The following DOCK2 variants were observed in gnomAD, a reference collection of about 807,000 sequenced individuals.
The protein encoded by DOCK2 is dedicator of cytokinesis 2, also known as dedicator of cytokinesis protein 2.
DOCK2 carries 87 observed loss-of-function variants against 248.9 expected under a neutral mutation model. The observed-to-expected ratio is 0.35, with a 90% confidence interval of 0.29 to 0.42. The LOEUF is 0.42. Ranked by LOEUF, DOCK2 falls within the 10% of genes least tolerant of loss-of-function variation. The pLI, the probability that DOCK2 is intolerant of heterozygous loss-of-function variation, is 1.00. For missense variants in DOCK2, 1,747 were observed against 2,300.2 expected (o/e 0.76, Z 4.92); for synonymous variants, 805 against 821.6 (o/e 0.98, Z 0.35).
At position 169,800,944 on chromosome 5, in the gene DOCK2, C is replaced by CTTTCTTTTTTTTTTTTTTTTTTT. The variant is rs1248380098; in HGVS notation, c.2555-2111_2555-2110insCTTTTTTTTTTTTTTTTTTTTTT. Among the ~76,000 whole-genome samples the CTTTCTTTTTTTTTTTTTTTTTTT allele has an allele frequency of 2.4e-4, 13 of 53,190 alleles. 1 individual carries two copies. The highest frequency in any genetic ancestry group is 1.1e-3 in the African/African-American group (8 of 7,146). 34.9% of individuals were successfully genotyped at this position (53,190 alleles called of 152,430 possible). A position where few individuals can be genotyped will look rare whatever the true frequency, so the allele number is the denominator to read the frequency against. On this transcript the variant is annotated intron_variant, in intron 25 of 51. Transcript: ENST00000520908. The stretch of plus-strand genomic sequence containing the variant: ...TTTTTCTTTTTTCTTTTCTTTCTTT[C>CTTTCTTTTTTTTTTTTTTTTTTT]TTTTTTTTTTTTTTTTTTTTTTTTT...
intron 9 of DOCK2, among the ~76,000 whole-genome samples, chr5:169,693,264 G>C (rs1760412970): frequency 6.6e-6 from 1 of 152,140 alleles, no homozygotes; most frequent in African/African-American, 2.4e-5. Context: ...GAGCAGGGTG[G>C]TTAGGAAGAA....
At chr5:169,677,737 C>T (rs1429739387) in intron 6 of DOCK2, among the ~76,000 whole-genome samples, 2 of 152,202 alleles carry the variant, frequency 1.3e-5, no homozygotes, top group Non-Finnish European at 2.9e-5. Flanking sequence ...CTGCTGCTCG[C>T]TGCTTGCAAA....
At chr5:169,837,140 GATACCAGAGCCTATAAT>G (rs1769631583) in intron 26 of DOCK2, among the ~76,000 whole-genome samples, 1 of 150,282 alleles carries the variant, frequency 6.7e-6, no homozygotes, top group Non-Finnish European at 1.5e-5. Flanking sequence ...GTCCCTTCCA[GATACCAGAGCCTATAAT>G]TATTAAAAGA....
intron 26 of DOCK2, 103 bp downstream of exon 26, chr5:169,803,309 T>G (rs1767114841): frequency 6.8e-7 from 1 of 1,467,788 alleles, no homozygotes; most frequent in Non-Finnish European, 9.1e-7. Context: ...AGTCTAAAGA[T>G]AAAAGTCAAC....
At chr5:169,644,725 C>A (rs1469304703) in intron 1 of DOCK2, among the ~76,000 whole-genome samples, 1 of 151,316 alleles carries the variant, frequency 6.6e-6, no homozygotes, top group Non-Finnish European at 1.5e-5. Flanking sequence ...CTGCACCTAT[C>A]TTCCCGTCAT....
At chr5:169,780,204 C>T (rs1765623268) in intron 25 of DOCK2, among the ~76,000 whole-genome samples, 1 of 152,146 alleles carries the variant, frequency 6.6e-6, no homozygotes, top group Admixed American at 6.5e-5. Flanking sequence ...TTGCCACCTT[C>T]CCCTAGCTGT....
At position 170,081,849 on chromosome 5, in the gene DOCK2, G is replaced by A. The variant is rs370911923; in HGVS notation, c.5295G>A (p.Ala1765=). Residue 1765 remains alanine, a synonymous_variant, in exon 51 of 52, where the codon GCG becomes GCA. Coordinates refer to ENST00000520908, the MANE Select transcript of DOCK2 (RefSeq NM_004946.3). ...GCTCTGCTCTCCTTCCAGCCCTGGC[G>A]CTCTCAGTGGCAGGCATCCCTGGGT... is the stretch of plus-strand genomic sequence containing the variant. ...SQSMPTIPAL[A]LSVAGIPGLD... The A allele has an allele frequency of 1.6e-4, 251 of 1,610,990 alleles. No homozygotes were observed. Among genetic ancestry groups the A allele is most frequent in the Admixed American group, 1.3e-3 (77 of 59,798 alleles).
chr5:169,889,416 C>T (rs563369561), intron 27 of DOCK2, among the ~76,000 whole-genome samples: 6 of 152,142 alleles, frequency 3.9e-5, no homozygotes, highest in South Asian at 2.1e-4. Flanking sequence ...AGGAAAAAGA[C>T]CTGATCCCTA....
chr5:169,967,625 T>C (rs1488608350), intron 27 of DOCK2, among the ~76,000 whole-genome samples: 2 of 152,148 alleles, frequency 1.3e-5, no homozygotes, highest in African/African-American at 4.8e-5. Context: ...TTTAGTAGGA[T>C]TGAGATTTAG....
At chr5:169,935,473 T>C (rs1011396265) in intron 27 of DOCK2, among the ~76,000 whole-genome samples, 2 of 152,072 alleles carry the variant, frequency 1.3e-5, no homozygotes, top group African/African-American at 4.8e-5. Flanking sequence ...GGAGTTCGGG[T>C]TGAGAGCTGA....
chr5:170,056,897 T>G, intron 43 of DOCK2, 129 bp downstream of exon 43: 15 of 738,298 alleles, frequency 2.0e-5, no homozygotes, highest in Non-Finnish European at 2.9e-5. Context: ...CCTCCATGGA[T>G]ACCATGACGT....
intron 25 of DOCK2, among the ~76,000 whole-genome samples, chr5:169,775,054 A>G (rs1333841638): frequency 1.3e-5 from 2 of 152,120 alleles, no homozygotes; most frequent in Non-Finnish European, 2.9e-5. Flanking sequence ...GATAACAGGC[A>G]TGAGCCACCA....
At chr5:170,062,923 T>C (rs553633593) in intron 44 of DOCK2, among the ~76,000 whole-genome samples, 1 of 152,184 alleles carries the variant, frequency 6.6e-6, no homozygotes, top group African/African-American at 2.4e-5. Context: ...ATTAACCCAC[T>C]GGCAGCCTGA....
intron 27 of DOCK2, chr5:169,883,596 G>A (rs1338507220): frequency 6.4e-7 from 1 of 1,551,654 alleles, no homozygotes; most frequent in South Asian, 1.2e-5. Flanking sequence ...TCCTGAGACT[G>A]GGGGAAGTTT....
intron 41 of DOCK2, among the ~76,000 whole-genome samples, chr5:170,051,919 C>T (rs756997377): frequency 5.3e-5 from 8 of 152,080 alleles, no homozygotes; most frequent in Non-Finnish European, 8.8e-5. Flanking sequence ...ATTAGGGTGC[C>T]GTATAAGTGG....
Position 169,684,256 on chromosome 5 carries a change from C to A in DOCK2, c.667C>A (p.Leu223Ile), listed in dbSNP as rs370094182. 1.9e-6 allele frequency: 3 copies of A among 1,614,070 alleles called. No individual in the cohort carries two copies. In the African/African-American group the frequency reaches 4.0e-5, roughly 22 times the overall value. ...GATCTCCTCATCCCCCACCCATAGC[C>A]TCTATGTGTTTGTGAGAAACTTTGT... Reference protein sequence around the residue: ...SRISSSPTHSLYVFVRNFVCR... With the variant: ...SRISSSPTHSIYVFVRNFVCR... Residue 223 changes from leucine (L) to isoleucine (I), a missense_variant, in exon 8 of 52, where the codon CTC becomes ATC. Physicochemically the swap from Leu to Ile is conservative, Grantham distance 5. Coordinates refer to ENST00000520908, the MANE Select transcript of DOCK2 (RefSeq NM_004946.3).
chr5:169,992,716 G>A (rs1039103031), intron 29 of DOCK2, among the ~76,000 whole-genome samples: 2 of 152,012 alleles, frequency 1.3e-5, no homozygotes, highest in African/African-American at 4.8e-5. Flanking sequence ...ACCCATCTCG[G>A]CCTCCCAAAG....
intron 27 of DOCK2, among the ~76,000 whole-genome samples, chr5:169,843,614 C>T (rs189559189): frequency 5.3e-5 from 8 of 152,296 alleles, no homozygotes; most frequent in East Asian, 1.9e-4. Flanking sequence ...TTCAGTTTGA[C>T]GAGTTTTAGA....
intron 36 of DOCK2, among the ~76,000 whole-genome samples, chr5:170,039,941 C>T (rs1055546040): frequency 2.0e-5 from 3 of 152,164 alleles, no homozygotes; most frequent in Admixed American, 1.3e-4. Context: ...TGCAGGTCAC[C>T]GATGCAGTGG....
Sources: gnomAD v4.1 joint callset for allele counts (sites outside exome capture counted in the v4.1 genomes callset) on GRCh38, gnomAD v4.1.1 for gene constraint, MANE v1.5 for transcripts, NCBI Gene and HGNC (gene_info 2026-07-23, HGNC 2026-07-21) for gene names.